FANCA: variants seen among roughly 807,000 people sequenced by gnomAD.
FANCA encodes the protein Fanconi anemia group A protein.
A neutral mutation model predicts 194.3 loss-of-function variants in FANCA; 236 were observed. That is an observed-to-expected ratio of 1.21 (90% CI 1.09 to 1.35). The LOEUF is 1.35. FANCA is among the 40% of genes most tolerant of loss of function. The probability of loss-of-function intolerance (pLI) is 0.00; values close to 1 mark genes in which losing one functional copy is unlikely to be tolerated. For missense variants in FANCA, 2,628 were observed against 1,813.9 expected, an observed-to-expected ratio of 1.45 and a Z score of -8.15; for synonymous variants, 1,014 against 715.8, an observed-to-expected ratio of 1.42 and a Z score of -6.65.
Position 89,769,937 on chromosome 16 carries a change from C to A in FANCA, c.2404G>T (p.Asp802Tyr), listed in dbSNP as rs2039264470. The change falls in exon 26 of 43, where the codon GAT becomes TAT. Residue 802 changes from aspartate to tyrosine, a missense_variant. Coordinates refer to ENST00000389301, the MANE Select transcript of FANCA (RefSeq NM_000135.4). ...GCACCAGGTGCAGGAGGACCCACAT[C>A]CACCTCTGGGAGCGCAGACCTGGAC... The part of the protein sequence containing the change: ...GESRSALPEV[D>Y]VGPPAPGAGL... The A allele has an allele frequency of 1.2e-6, 2 of 1,613,944 alleles. No individual in the cohort carries two copies.
rs545758918 is a variant in FANCA at position 89,744,711 on chromosome 16, C to T, written c.3626+248G>A. On this transcript the variant is annotated intron_variant, in intron 36 of 42. Transcript: ENST00000389301. ...CTGGACAGAGTCTTGCTCTATTGGC[C>T]GTTGGAGTGATCTCGGCTCACTGGA... 107 of 548,562 alleles carry T rather than the reference C, an allele frequency of 2.0e-4. 1 individual carries two copies. Among genetic ancestry groups the T allele is most frequent in the South Asian group, 1.5e-3 (78 of 51,966 alleles). 34.0% of individuals were successfully genotyped at this position (548,562 alleles called of 1,614,324 possible).
intron 26 of FANCA, among the ~76,000 whole-genome samples, chr16:89,767,469 G>T (rs777928550): frequency 6.6e-6 from 1 of 152,208 alleles, no homozygotes; most frequent in South Asian, 2.1e-4. Context: ...CCGGGTTCAA[G>T]CGAGTCTCCT....
chr16:89,791,455 T>C lies in FANCA; in HGVS notation c.1307A>G (p.Gln436Arg), dbSNP rs2040074214. The change falls in exon 14 of 43, where the codon CAG (glutamine) becomes CGG (arginine). Residue 436 changes from glutamine to arginine, a missense_variant. Transcript: ENST00000389301. ...CGCAGAGGGGCCCTCCAGTGCTGCC[T>C]GGCGCACAACCAGGAACGCAGTGAC... ...SMVTAFLVVR[Q>R]AALEGPSAFL... The C allele has an allele frequency of 2.5e-6, 4 of 1,614,170 alleles. No individual in the cohort carries two copies. The highest frequency in any genetic ancestry group is 3.4e-6 in the Non-Finnish European group (4 of 1,180,014).
intron 30 of FANCA, among the ~76,000 whole-genome samples, chr16:89,756,692 T>C (rs1272282855): frequency 2.6e-5 from 4 of 152,116 alleles, no homozygotes; most frequent in Non-Finnish European, 5.9e-5. Flanking sequence ...ATAAACAAAA[T>C]ATGGCTGATC....
intron 39 of FANCA, 194 bp from the exon 40 acceptor site, chr16:89,739,747 AGGAG>A: frequency 1.3e-6 from 2 of 1,489,406 alleles, no homozygotes; most frequent in Admixed American, 4.2e-5. Context: ...GACCTCTTGC[AGGAG>A]GGTGGGTGTG....
In FANCA at chr16:89,742,879, G is replaced by A. The variant is rs1465548673; in HGVS notation, c.3686C>T (p.Ala1229Val). 6.2e-7 allele frequency: 1 copy of A among 1,614,140 alleles called. No homozygotes were observed. The highest frequency in any genetic ancestry group is 2.2e-5 in the East Asian group (1 of 44,886). The change falls in exon 37 of 43, where the codon GCA (alanine) becomes GTA (valine). Residue 1229 changes from alanine to valine, a missense_variant. By Grantham distance (64) the Ala-to-Val change is moderately conservative (BLOSUM62 0). Coordinates refer to ENST00000389301, the MANE Select transcript of FANCA (RefSeq NM_000135.4). ...APNPDWLSAAALHFAIQQVRE... is the reference protein window; with the variant it reads ...APNPDWLSAAVLHFAIQQVRE... Reference sequence around the variant, plus strand: ...GACTTGTTGAATCGCAAAGTGCAGTGCAGCAGCTGAGAGCCAGTCCGGGTT... The same window carrying A: ...GACTTGTTGAATCGCAAAGTGCAGTACAGCAGCTGAGAGCCAGTCCGGGTT...
Position 89,810,788 on chromosome 16 carries a change from G to T in FANCA, c.441C>A (p.Ser147=). ...LTVEQRKKLS[S]LLEFAQYLLA... is the part of the protein sequence containing the mutation. The stretch of plus-strand genomic sequence containing the variant: ...ATAAATACTGAGCAAACTCTAACAG[G>T]GAAGACAGCTTCTTCTGAAAAGAGA... Residue 147 remains serine, a synonymous_variant, in exon 5 of 43, where the codon TCC becomes TCA. Coordinates refer to ENST00000389301, the MANE Select transcript of FANCA (RefSeq NM_000135.4). The T allele has an allele frequency of 6.2e-7, 1 of 1,613,082 alleles. No homozygotes were observed. The highest frequency in any genetic ancestry group is 8.5e-7 in the Non-Finnish European group (1 of 1,179,056).
At chr16:89,797,101 A>G (rs564414139) in intron 10 of FANCA, among the ~76,000 whole-genome samples, 1 of 152,322 alleles carries the variant, frequency 6.6e-6, no homozygotes, top group Non-Finnish European at 1.5e-5. Context: ...CGGAGCTTGC[A>G]GTGAGCAGAG....
At chr16:89,779,378 G>A (rs1342891592) in intron 18 of FANCA, among the ~76,000 whole-genome samples, 3 of 152,068 alleles carry the variant, frequency 2.0e-5, no homozygotes, top group Non-Finnish European at 2.9e-5. Flanking sequence ...AAGATGTTTT[G>A]AGATCATACC....
In FANCA at chr16:89,799,525, T is replaced by C. The variant is rs538597271; in HGVS notation, c.826+80A>G. ...ACATACAGAGGAGAAATACCTCAAA[T>C]GGAAAGGCAGAAAACTGATACAATT... is the stretch of plus-strand genomic sequence containing the variant. On this transcript the variant is annotated intron_variant, in intron 9 of 42. Transcript: ENST00000389301. 22 of 1,359,748 alleles carry C rather than the reference T, an allele frequency of 1.6e-5. No individual in the cohort carries two copies. In the African/African-American group the frequency reaches 2.7e-4, roughly 17 times the overall value. 84.2% of individuals were successfully genotyped at this position (1,359,748 alleles called of 1,614,324 possible).
chr16:89,750,470 G>C (rs1479666408), intron 31 of FANCA, among the ~76,000 whole-genome samples: 1 of 144,076 alleles, frequency 6.9e-6, no homozygotes, highest in Non-Finnish European at 1.5e-5. Flanking sequence ...GCAACAGAGT[G>C]AGACTCCGTC....
intron 37 of FANCA, among the ~76,000 whole-genome samples, chr16:89,741,128 C>G (rs2062122621): frequency 1.3e-5 from 2 of 152,214 alleles, no homozygotes; most frequent in Non-Finnish European, 2.9e-5. Flanking sequence ...AAAGAGAAGA[C>G]TGCTGCGGTC....
intron 20 of FANCA, among the ~76,000 whole-genome samples, chr16:89,777,113 G>C (rs1235077619): frequency 4.6e-5 from 7 of 152,046 alleles, no homozygotes; most frequent in Non-Finnish European, 7.4e-5. Flanking sequence ...GGGAGGCAGA[G>C]GGGGAAGGAT....
chr16:89,738,892 T>A lies in FANCA; in HGVS notation c.4250A>T (p.His1417Leu), dbSNP rs564148401. 1.2e-6 allele frequency: 2 copies of A among 1,614,264 alleles called. No individual in the cohort carries two copies. The highest frequency in any genetic ancestry group is 2.2e-5 in the South Asian group (2 of 91,092). The change falls in exon 42 of 43, where the codon CAC (histidine) becomes CTC (leucine). Residue 1417 changes from histidine (H) to leucine (L), a missense_variant. Transcript: ENST00000389301. ...IPRCPKKSFS[H>L]VAELLADRGD... is the part of the protein sequence containing the mutation. Reference sequence around the variant, plus strand: ...GCATCTTGACGTTACCTCTGCCACGTGTGAGAAGCTCTTTTTCGGGCACCG... The same window carrying A: ...GCATCTTGACGTTACCTCTGCCACGAGTGAGAAGCTCTTTTTCGGGCACCG...
intron 13 of FANCA, 179 bp downstream of exon 13, chr16:89,791,748 G>C: frequency 1.0e-6 from 1 of 971,302 alleles, no homozygotes. Flanking sequence ...TCTCAGAGCA[G>C]CAGTCAGTGC....
In FANCA at chr16:89,796,006, G is replaced by C. The variant is rs1018176413; in HGVS notation, c.906C>G (p.Phe302Leu). The stretch of plus-strand genomic sequence containing the variant: ...TTACACTGCCAAGCGTGTGTCCACT[G>C]AACACTCCGAACCTGCCAATGCAGC... ...HKIVRCWFGV[F>L]SGHTLGSVIS... The change falls in exon 11 of 43, where the codon TTC (phenylalanine) becomes TTG (leucine). Residue 302 changes from phenylalanine (F) to leucine (L), a missense_variant. Coordinates refer to ENST00000389301, the MANE Select transcript of FANCA (RefSeq NM_000135.4). The C allele has an allele frequency of 1.2e-6, 2 of 1,613,890 alleles. No homozygotes were observed. The highest frequency in any genetic ancestry group is 1.7e-6 in the Non-Finnish European group (2 of 1,179,798).
chr16:89,785,239 TG>T (rs1371654829), intron 14 of FANCA, among the ~76,000 whole-genome samples: 3 of 152,224 alleles, frequency 2.0e-5, no homozygotes, highest in Non-Finnish European at 1.5e-5. Flanking sequence ...GCGCTTTGAC[TG>T]AAGAGATATC....
At chr16:89,785,593 T>C (rs527383943) in intron 14 of FANCA, among the ~76,000 whole-genome samples, 2 of 152,122 alleles carry the variant, frequency 1.3e-5, no homozygotes, top group African/African-American at 4.8e-5. Context: ...TCCTGGGGGC[T>C]GCAGTGAGTC....
chr16:89,771,537 G>A (rs754658047), intron 23 of FANCA, 141 bp downstream of exon 23: 42 of 908,958 alleles, frequency 4.6e-5, no homozygotes, highest in South Asian at 6.1e-5. Flanking sequence ...CTGGTACACC[G>A]CTGCCTGGCC....
Sources: allele counts gnomAD v4.1 joint callset (sites outside exome capture counted in the v4.1 genomes callset), GRCh38; gene constraint gnomAD v4.1.1; transcripts MANE v1.5; gene names NCBI Gene and HGNC (gene_info 2026-07-23, HGNC 2026-07-21).